The following SLCO1A2 variants were observed in gnomAD, a reference collection of about 807,000 sequenced individuals.
The protein encoded by SLCO1A2 is solute carrier organic anion transporter family member 1A2.
A neutral mutation model predicts 69.0 loss-of-function variants in SLCO1A2; 67 were observed. The ratio of observed to expected loss-of-function variants is 0.97; its 90% CI spans 0.80 to 1.19. The LOEUF (loss-of-function observed/expected upper bound fraction) is 1.19, where lower values mean the gene tolerates loss of function less well. Among genes scored for constraint, SLCO1A2 ranks in the 50% most tolerant of loss-of-function variants. The pLI, the probability that SLCO1A2 is intolerant of heterozygous loss-of-function variation, is 0.00. For synonymous variants in SLCO1A2, 260 were observed against 265.9 expected, an observed-to-expected ratio of 0.98 and a Z score of 0.22; for missense variants, 787 against 793.7, an observed-to-expected ratio of 0.99 and a Z score of 0.10.
At chr12:21,309,112 C>T (rs551881024) in intron 4 of SLCO1A2, among the ~76,000 whole-genome samples, 14 of 152,004 alleles carry the variant, frequency 9.2e-5, no homozygotes, top group Non-Finnish European at 1.8e-4. Context: ...AGCTAGAAAG[C>T]CATTCAAAGG....
At chr12:21,284,382 C>G (rs974883679) in intron 12 of SLCO1A2, among the ~76,000 whole-genome samples, 3 of 152,268 alleles carry the variant, frequency 2.0e-5, no homozygotes, top group Non-Finnish European at 4.4e-5. Context: ...GAGTGCCAGA[C>G]AGTGGGCGCA....
chr12:21,401,192 T>C (rs1410772784), intron 1 of SLCO1A2, among the ~76,000 whole-genome samples: 2 of 151,870 alleles, frequency 1.3e-5, no homozygotes, highest in Non-Finnish European at 2.9e-5. Flanking sequence ...ATATATTTAA[T>C]TATAGACAAT....
intron 6 of SLCO1A2, among the ~76,000 whole-genome samples, chr12:21,303,545 T>A (rs1386033631): frequency 6.6e-6 from 1 of 152,216 alleles, no homozygotes; most frequent in African/African-American, 2.4e-5. Flanking sequence ...TTAAAAGATA[T>A]GCCTACATAC....
rs372952519 is a variant in SLCO1A2 at position 21,319,331 on chromosome 12, T to C, written c.61-408A>G. On this transcript the variant is annotated intron_variant, in intron 2 of 14. Coordinates refer to ENST00000683939, the MANE Select transcript of SLCO1A2 (RefSeq NM_001386879.1). Reference sequence around the variant, plus strand: ...AAAGACATTATTTCGGTAGCAAATATACTTAAGTTCTCTCTGCAGGACAAT... The same window carrying C: ...AAAGACATTATTTCGGTAGCAAATACACTTAAGTTCTCTCTGCAGGACAAT... The C allele has an allele frequency of 1.8e-4, 244 of 1,366,264 alleles. 1 individual carries two copies. Among genetic ancestry groups the C allele is most frequent in the Non-Finnish European group, 2.1e-4 (218 of 1,020,594 alleles). 84.6% of individuals were successfully genotyped at this position (1,366,264 alleles called of 1,614,324 possible).
chr12:21,269,863 G>C, intron 14 of SLCO1A2, 96 bp from the exon 15 acceptor site: 1 of 882,694 alleles, frequency 1.1e-6, no homozygotes, highest in Admixed American at 3.4e-5. Flanking sequence ...GATAAAAACA[G>C]CAGCTGATGG....
intron 12 of SLCO1A2, among the ~76,000 whole-genome samples, chr12:21,283,892 A>G (rs1411045427): frequency 6.6e-6 from 1 of 152,196 alleles, no homozygotes; most frequent in East Asian, 1.9e-4. Context: ...AATGACTTTT[A>G]TACAAAAACA....
intron 13 of SLCO1A2, 114 bp downstream of exon 13, chr12:21,275,246 C>T (rs112724711): frequency 9.2e-6 from 9 of 973,392 alleles, no homozygotes; most frequent in African/African-American, 8.3e-5. Flanking sequence ...CACATGTATA[C>T]ATATGTAACA....
In SLCO1A2 at chr12:21,295,795, A is replaced by C. The variant is rs1474563784; in HGVS notation, c.1076-3T>G. ...TATTGGAGGTAAGTTATAAATACCT[A>C]TAAATGCAAATAAAATATTATTTAC... On this transcript the variant is annotated splice_polypyrimidine_tract_variant and splice_region_variant and intron_variant, in intron 9 of 14. Transcript: ENST00000683939. 7.3e-7 allele frequency: 1 copy of C among 1,376,822 alleles called. No individual in the cohort carries two copies. The highest frequency in any genetic ancestry group is 1.9e-5 in the Admixed American group (1 of 54,042). The allele number at this position is 1,376,822 out of a possible 1,614,324, so 85.3% of individuals were successfully genotyped here. A position where few individuals can be genotyped will look rare whatever the true frequency, so the allele number is the denominator to read the frequency against.
At chr12:21,289,666 A>G (rs1946525174) in intron 12 of SLCO1A2, among the ~76,000 whole-genome samples, 1 of 152,090 alleles carries the variant, frequency 6.6e-6, no homozygotes, top group African/African-American at 2.4e-5. Context: ...AATGTAAGAA[A>G]AGTGTTTCTT....
At position 21,265,261 on chromosome 12, in the gene SLCO1A2, A is replaced by G. The variant is rs988156163; in HGVS notation, c.*4287T>C. On this transcript the variant is annotated 3_prime_UTR_variant, in exon 15 of 15. Transcript: ENST00000683939. The stretch of plus-strand genomic sequence containing the variant: ...CTTATCCTTTTGTTTCCCACAGCCT[A>G]TTTCAGTGCAAGGCCTTATTTCCAT... The G allele has an allele frequency of 6.6e-6, 1 of 152,154 alleles. No individual in the cohort carries two copies. Among genetic ancestry groups the G allele is most frequent in the Non-Finnish European group, 1.5e-5 (1 of 68,116 alleles). 9.4% of individuals were successfully genotyped at this position (152,154 alleles called of 1,614,324 possible).
intron 2 of SLCO1A2, among the ~76,000 whole-genome samples, chr12:21,331,819 G>C (rs995638195): frequency 6.6e-6 from 1 of 152,092 alleles, no homozygotes; most frequent in African/African-American, 2.4e-5. Context: ...TTGGACACAA[G>C]TAAAACTAAA....
At chr12:21,362,429 G>A (rs11045999) in intron 2 of SLCO1A2, among the ~76,000 whole-genome samples, 1 of 152,092 alleles carries the variant, frequency 6.6e-6, no homozygotes. Flanking sequence ...CAACCGGTAC[G>A]AGCCACTGCA....
intron 3 of SLCO1A2, among the ~76,000 whole-genome samples, chr12:21,317,251 C>G (rs994551226): frequency 1.3e-5 from 2 of 152,056 alleles, no homozygotes; most frequent in African/African-American, 4.8e-5. Flanking sequence ...TCTCATTAAC[C>G]CATTTCTCAC....
At chr12:21,318,436 C>G (rs994229660) in intron 3 of SLCO1A2, among the ~76,000 whole-genome samples, 6 of 152,058 alleles carry the variant, frequency 3.9e-5, no homozygotes, top group Non-Finnish European at 8.8e-5. Flanking sequence ...ACCTTTGTAT[C>G]TTCTAAATAC....
chr12:21,376,397 A>G, intron 1 of SLCO1A2: 1 of 296,812 alleles, frequency 3.4e-6, no homozygotes, highest in South Asian at 2.7e-5. Flanking sequence ...CAAATGTATG[A>G]AATTACTAGT....
chr12:21,395,960 G>T (rs1274984604), upstream of SLCO1A2, among the ~76,000 whole-genome samples: 1 of 150,782 alleles, frequency 6.6e-6, no homozygotes, highest in Non-Finnish European at 1.5e-5. Flanking sequence ...CTAAAAAGCA[G>T]AGCGCCTCTC....
intron 8 of SLCO1A2, among the ~76,000 whole-genome samples, chr12:21,299,015 C>T (rs1948171798): frequency 6.6e-6 from 1 of 152,076 alleles, no homozygotes; most frequent in African/African-American, 2.4e-5. Flanking sequence ...ACACTAGTAT[C>T]AGTATTAATA....
intron 2 of SLCO1A2, among the ~76,000 whole-genome samples, chr12:21,323,917 G>A (rs753078039): frequency 6.6e-6 from 1 of 152,158 alleles, no homozygotes; most frequent in East Asian, 1.9e-4. Context: ...TAGGCCTAGA[G>A]GGAGGGTGCT....
At chr12:21,314,507 G>C (rs1565492854) in intron 4 of SLCO1A2, 42 bp downstream of exon 4, 1 of 1,610,490 alleles carries the variant, frequency 6.2e-7, no homozygotes, top group Admixed American at 1.7e-5. Context: ...TTTCCTGCAA[G>C]TGAAATTTGA....
Sources: allele counts gnomAD v4.1 joint callset (sites outside exome capture counted in the v4.1 genomes callset), GRCh38; gene constraint gnomAD v4.1.1; transcripts MANE v1.5; gene names NCBI Gene and HGNC (gene_info 2026-07-23, HGNC 2026-07-21).